The following LGMN variants were observed in gnomAD, a reference collection of about 807,000 sequenced individuals.
LGMN encodes the protein legumain, also known as asparaginyl endopeptidase.
In LGMN, 36 loss-of-function variants were observed where a neutral mutation model predicts 56.8. That is an observed-to-expected ratio of 0.63 (90% CI 0.49 to 0.84). The LOEUF is 0.84. Ranked by LOEUF, LGMN falls within the 40% of genes least tolerant of loss-of-function variation. The pLI is 0.00. For synonymous variants in LGMN, 199 were observed against 210.1 expected, an observed-to-expected ratio of 0.95 and a Z score of 0.46; for missense variants, 446 against 556.1, an observed-to-expected ratio of 0.80 and a Z score of 1.99.
chr14:92,711,563 C>T (rs1889769540), intron 10 of LGMN, 96 bp downstream of exon 10: 1 of 1,143,290 alleles, frequency 8.7e-7, no homozygotes, highest in African/African-American at 1.5e-5. Flanking sequence ...ATTCCTCACT[C>T]AGATCCCATG....
chr14:92,716,065 A>G, intron 5 of LGMN, 71 bp downstream of exon 5: 1 of 1,015,170 alleles, frequency 9.9e-7, no homozygotes, highest in Non-Finnish European at 1.5e-6. Flanking sequence ...ACAGAACAAC[A>G]CCTGTTTCAA....
chr14:92,709,785 C>G lies in LGMN; in HGVS notation c.907G>C (p.Asp303His), dbSNP rs751110522. ...PVPLPPVTHL[D>H]LTPSPDVPLT... ...GGCACATCAGGGCTGGGGGTGAGGT[C>G]AAGGTGTGTGACTGGAGGTAGGGGG... is the stretch of plus-strand genomic sequence containing the variant. The change falls in exon 11 of 14, where the codon GAC becomes CAC. Residue 303 changes from aspartate to histidine, a missense_variant. Physicochemically the swap from Asp to His is moderately conservative, Grantham distance 81. Coordinates refer to ENST00000334869, the MANE Select transcript of LGMN (RefSeq NM_005606.7). The G allele has an allele frequency of 1.9e-6, 3 of 1,613,870 alleles. No individual in the cohort carries two copies. The highest frequency in any genetic ancestry group is 3.3e-5 in the Admixed American group (2 of 59,992).
chr14:92,726,937 G>A (rs1018238691), intron 2 of LGMN, among the ~76,000 whole-genome samples: 40 of 152,166 alleles, frequency 2.6e-4, no homozygotes, highest in African/African-American at 8.9e-4. Context: ...AGGAAGACTC[G>A]GGACAAAGTC....
At position 92,705,034 on chromosome 14, in the gene LGMN, T is replaced by C. The variant is rs1889357545; in HGVS notation, c.1192-327A>G. On this transcript the variant is annotated intron_variant, in intron 12 of 13. Coordinates refer to ENST00000334869, the MANE Select transcript of LGMN (RefSeq NM_005606.7). Reference sequence around the variant, plus strand: ...TCTCCCCGGGAAGTCTGCCTTTTGATTCTGGGAGGGACACGCCAGCGAGGG... The same window carrying C: ...TCTCCCCGGGAAGTCTGCCTTTTGACTCTGGGAGGGACACGCCAGCGAGGG... The C allele has an allele frequency of 1.1e-5, 3 of 281,170 alleles. No homozygotes were observed. In the South Asian group the frequency reaches 1.5e-4, roughly 14 times the overall value. The allele number at this position is 281,170 out of a possible 1,614,324, so 17.4% of individuals were successfully genotyped here. A position where few individuals can be genotyped will look rare whatever the true frequency, so the allele number is the denominator to read the frequency against.
intron 11 of LGMN, among the ~76,000 whole-genome samples, chr14:92,706,941 C>T (rs1004305384): frequency 6.6e-6 from 1 of 152,160 alleles, no homozygotes. Context: ...ACCTGTGCCC[C>T]AAAGCAGACG....
Position 92,706,582 on chromosome 14 carries a change from C to T in LGMN, c.1092G>A (p.Glu364=), listed in dbSNP as rs1179804438. 2 of 1,605,096 alleles carry T rather than the reference C, an allele frequency of 1.2e-6. No individual in the cohort carries two copies. Among genetic ancestry groups the T allele is most frequent in the Admixed American group, 1.7e-5 (1 of 59,888 alleles). The part of the protein sequence containing the change: ...SLLAASEAEV[E]QLLSERAPLT... ...GCGGGGCTCTCTCGGACAGGAGCTG[C>T]TCCACCTCAGCCTCGGACGCTGCCA... Residue 364 remains glutamate, a synonymous_variant, in exon 12 of 14, where the codon GAG becomes GAA. Coordinates refer to ENST00000334869, the MANE Select transcript of LGMN (RefSeq NM_005606.7).
At chr14:92,734,304 A>C (rs1046247820) in intron 1 of LGMN, among the ~76,000 whole-genome samples, 9 of 152,340 alleles carry the variant, frequency 5.9e-5, no homozygotes, top group South Asian at 2.1e-4. Context: ...TTTCTGCTAT[A>C]TGGCTCTCCA....
At chr14:92,717,305 A>G in intron 4 of LGMN, 75 bp downstream of exon 4, 1 of 924,088 alleles carries the variant, frequency 1.1e-6, no homozygotes, top group Non-Finnish European at 1.7e-6. Flanking sequence ...TGATTCTAGA[A>G]ACAGAAGAAA....
chr14:92,738,697 A>G (rs1200543984), intron 1 of LGMN, among the ~76,000 whole-genome samples: 4 of 151,892 alleles, frequency 2.6e-5, no homozygotes, highest in African/African-American at 9.7e-5. Flanking sequence ...GCCTCACATT[A>G]CGTTGCCGAA....
In LGMN at chr14:92,709,783, G is replaced by T. The variant is rs1595527791; in HGVS notation, c.909C>A (p.Asp303Glu). Residue 303 changes from aspartate to glutamate, a missense_variant, in exon 11 of 14, where the codon GAC (aspartate) becomes GAA (glutamate). Asp to Glu is a conservative substitution (Grantham distance 45). Transcript: ENST00000334869. ...GAGGCACATCAGGGCTGGGGGTGAG[G>T]TCAAGGTGTGTGACTGGAGGTAGGG... The part of the protein sequence containing the change: ...PVPLPPVTHL[D>E]LTPSPDVPLT... 4.3e-6 allele frequency: 7 copies of T among 1,613,938 alleles called. No individual in the cohort carries two copies. The Admixed American group carries it at 1.2e-4, about 27-fold the overall frequency.
chr14:92,709,894 G>A (rs1255284004), intron 10 of LGMN, 22 bp from the exon 11 acceptor site: 1 of 1,557,040 alleles, frequency 6.4e-7, no homozygotes, highest in South Asian at 1.2e-5. Flanking sequence ...GACAGCAAGA[G>A]AGAGCGAGAG....
At chr14:92,730,998 T>C (rs2140259680) in intron 2 of LGMN, among the ~76,000 whole-genome samples, 2 of 152,184 alleles carry the variant, frequency 1.3e-5, no homozygotes, top group Admixed American at 1.3e-4. Flanking sequence ...ACTAGAACAT[T>C]TACCATGGCT....
intron 2 of LGMN, among the ~76,000 whole-genome samples, chr14:92,724,247 G>A (rs928506336): frequency 1.3e-5 from 2 of 152,160 alleles, no homozygotes; most frequent in Non-Finnish European, 2.9e-5. Flanking sequence ...CACTGTTTGG[G>A]ACCCCCAGCA....
intron 5 of LGMN, among the ~76,000 whole-genome samples, chr14:92,715,125 A>C (rs1890001526): frequency 6.6e-6 from 1 of 150,730 alleles, no homozygotes; most frequent in Non-Finnish European, 1.5e-5. Context: ...CAGCCTCCCG[A>C]GTAGCTGGGA....
In LGMN at chr14:92,714,591, C is replaced by A; in HGVS notation, c.405-140G>T. The A allele has an allele frequency of 6.3e-6, 4 of 631,034 alleles. No homozygotes were observed. The highest frequency in any genetic ancestry group is 1.1e-5 in the Non-Finnish European group (4 of 357,588). 39.1% of individuals were successfully genotyped at this position (631,034 alleles called of 1,614,324 possible). A position where few individuals can be genotyped will look rare whatever the true frequency, so the allele number is the denominator to read the frequency against. On this transcript the variant is annotated intron_variant, in intron 5 of 13. Coordinates refer to ENST00000334869, the MANE Select transcript of LGMN (RefSeq NM_005606.7). The surrounding 1 kb of genome is among the most constrained non-coding windows in gnomAD (Gnocchi z 5.1). ...CAGGTTTGAAGATGAACACAAGGGC[C>A]CGGTGCCCGGTGTCTGGCCTGTCCC...
At position 92,732,741 on chromosome 14, in the gene LGMN, C is replaced by T. The variant is rs768614599; in HGVS notation, c.46G>A (p.Gly16Ser). Residue 16 changes from glycine to serine, a missense_variant, in exon 2 of 14, where the codon GGT (glycine) becomes AGT (serine). Coordinates refer to ENST00000334869, the MANE Select transcript of LGMN (RefSeq NM_005606.7). ...TCAGGATCATCTATAGGAACGGCAC[C>T]AATGCCCAGGGCCACACTGAGGAAT... ...AVFLSVALGI[G>S]AVPIDDPEDG... The T allele has an allele frequency of 6.2e-7, 1 of 1,614,078 alleles. No individual in the cohort carries two copies. The highest frequency in any genetic ancestry group is 1.7e-5 in the Admixed American group (1 of 59,994).
chr14:92,732,206 C>G lies in LGMN; in HGVS notation c.138+443G>C, dbSNP rs73334240. 4.4e-3 allele frequency among the ~76,000 whole-genome samples: 669 copies of G among 152,196 alleles called. 15 individuals carry two copies. The highest frequency in any genetic ancestry group is 1.9e-3 in the East Asian group (10 of 5,182). The stretch of plus-strand genomic sequence containing the variant: ...GGTCTCAGCCTGGGTGATCTGGCTC[C>G]CTGGGGACACTGGGCGACGTCTGGA... On this transcript the variant is annotated intron_variant, in intron 2 of 13. Coordinates refer to ENST00000334869, the MANE Select transcript of LGMN (RefSeq NM_005606.7).
At chr14:92,724,613 C>T (rs755703679) in intron 2 of LGMN, among the ~76,000 whole-genome samples, 1 of 152,206 alleles carries the variant, frequency 6.6e-6, no homozygotes, top group African/African-American at 2.4e-5. Flanking sequence ...AGGTCATATT[C>T]GAGAGGAGGG....
At chr14:92,738,736 C>T (rs1891417026) in intron 1 of LGMN, among the ~76,000 whole-genome samples, 1 of 151,664 alleles carries the variant, frequency 6.6e-6, no homozygotes, top group Non-Finnish European at 1.5e-5. Flanking sequence ...AAACCACATA[C>T]ATGGCCGGGC....
Sources: allele counts gnomAD v4.1 joint callset (sites outside exome capture counted in the v4.1 genomes callset), GRCh38; gene constraint gnomAD v4.1.1; non-coding constraint Gnocchi (gnomAD v3.1); transcripts MANE v1.5; gene names NCBI Gene and HGNC (gene_info 2026-07-23, HGNC 2026-07-21).